SNX27: variants seen among roughly 807,000 people sequenced by gnomAD.
The protein encoded by SNX27 is sorting nexin 27, also known as sorting nexin-27.
In SNX27, 22 loss-of-function variants were observed where a neutral mutation model predicts 71.6. The ratio of observed to expected loss-of-function variants is 0.31; its 90% confidence interval spans 0.22 to 0.44. The LOEUF (loss-of-function observed/expected upper bound fraction) is 0.44. Among genes scored for constraint, SNX27 ranks in the 20% least tolerant of loss-of-function variants. The probability of loss-of-function intolerance (pLI) is 1.00; values close to 1 mark genes in which losing one functional copy is unlikely to be tolerated. For synonymous variants in SNX27, 269 were observed against 277.2 expected (o/e 0.97, Z 0.29); for missense variants, 531 against 698.6 (o/e 0.76, Z 2.70).
chr1:151,619,089 C>A (rs996539437), intron 1 of SNX27, among the ~76,000 whole-genome samples: 3 of 151,938 alleles, frequency 2.0e-5, no homozygotes, highest in Admixed American at 2.0e-4. Context: ...GCCTGTAATC[C>A]CAGCACTTTG....
intron 1 of SNX27, 141 bp from the exon 2 acceptor site, chr1:151,638,747 A>G: frequency 1.3e-6 from 1 of 760,840 alleles, no homozygotes; most frequent in Middle Eastern, 3.7e-4. Flanking sequence ...TAAAACATAA[A>G]CAACTTTTCT....
chr1:151,687,449 A>T (rs1671230846), intron 8 of SNX27, among the ~76,000 whole-genome samples: 1 of 152,134 alleles, frequency 6.6e-6, no homozygotes, highest in South Asian at 2.1e-4. Flanking sequence ...CACACTGGTG[A>T]TTCTGGAACG....
intron 7 of SNX27, among the ~76,000 whole-genome samples, chr1:151,670,940 C>G (rs1410274472): frequency 1.3e-5 from 2 of 152,128 alleles, no homozygotes; most frequent in Non-Finnish European, 2.9e-5. Flanking sequence ...ATTATTGAAT[C>G]TATTTTGATG....
chr1:151,649,636 G>A (rs1669232102), intron 2 of SNX27, among the ~76,000 whole-genome samples: 1 of 152,124 alleles, frequency 6.6e-6, no homozygotes, highest in Non-Finnish European at 1.5e-5. Context: ...CTGATGAGAA[G>A]CCTGCTTGTT....
At chr1:151,686,924 A>C (rs1343519258) in intron 8 of SNX27, among the ~76,000 whole-genome samples, 1 of 152,240 alleles carries the variant, frequency 6.6e-6, no homozygotes, top group Non-Finnish European at 1.5e-5. Flanking sequence ...GATTCTTGGA[A>C]GATAAATAAG....
intron 2 of SNX27, among the ~76,000 whole-genome samples, chr1:151,651,668 A>G (rs958394575): frequency 6.6e-6 from 1 of 151,002 alleles, no homozygotes; most frequent in Non-Finnish European, 1.5e-5. Context: ...GATGCTCCTC[A>G]CTTCCTAGAT....
rs1388451146 is a variant in SNX27, at chr1:151,692,441, A to C, written c.1246A>C (p.Asn416His). ...TTTTTTTTTTTTTTTTTAGTACCTC[A>C]ACATGCTAAGGACTTGTGAGGGCTA... ...YEQRKMVMYL[N>H]MLRTCEGYNE... Residue 416 changes from asparagine (N) to histidine (H), a missense_variant, in exon 9 of 12, where the codon AAC becomes CAC. By Grantham distance (68) the Asn-to-His change is moderately conservative. Transcript: ENST00000458013. The C allele has an allele frequency of 1.7e-5, 24 of 1,449,898 alleles. No homozygotes were observed. The highest frequency in any genetic ancestry group is 1.9e-5 in the Non-Finnish European group (21 of 1,096,274). 89.8% of individuals were successfully genotyped at this position (1,449,898 alleles called of 1,614,324 possible).
At chr1:151,627,664 A>G (rs1367097074) in intron 1 of SNX27, among the ~76,000 whole-genome samples, 1 of 151,978 alleles carries the variant, frequency 6.6e-6, no homozygotes, top group East Asian at 1.9e-4. Context: ...CTGGGCTCAA[A>G]CAGTCCACCC....
chr1:151,663,126 T>C (rs1334433202), intron 5 of SNX27, among the ~76,000 whole-genome samples: 1 of 152,004 alleles, frequency 6.6e-6, no homozygotes, highest in African/African-American at 2.4e-5. Context: ...AATCTGAATC[T>C]AAACAAGGTC....
chr1:151,625,019 C>T (rs934869252), intron 1 of SNX27, among the ~76,000 whole-genome samples: 3 of 152,134 alleles, frequency 2.0e-5, no homozygotes, highest in African/African-American at 4.8e-5. Flanking sequence ...ATAGAACACC[C>T]GGTCAAAGGT....
rs575875414 is a variant in SNX27, at chr1:151,671,669, G to A, written c.1149+3034G>A. On this transcript the variant is annotated intron_variant, in intron 7 of 11. Coordinates refer to ENST00000458013, the MANE Select transcript of SNX27 (RefSeq NM_001330723.2). Reference sequence around the variant, plus strand: ...TATTTTGATAGGGATTGCATTGAATGTGTGGATTGCTTTGGGTAGTGTGGA... The same window carrying A: ...TATTTTGATAGGGATTGCATTGAATATGTGGATTGCTTTGGGTAGTGTGGA... 2.0e-5 allele frequency among the ~76,000 whole-genome samples: 3 copies of A among 152,108 alleles called. No individual in the cohort carries two copies. In the East Asian group the frequency reaches 5.8e-4, roughly 29 times the overall value.
chr1:151,632,117 A>G (rs1436953094), intron 1 of SNX27, among the ~76,000 whole-genome samples: 1 of 151,030 alleles, frequency 6.6e-6, no homozygotes, highest in Admixed American at 6.6e-5. Context: ...AACTTGAGAG[A>G]TGCTGCTGTT....
chr1:151,660,452 C>G lies in SNX27; in HGVS notation c.737-346C>G, dbSNP rs189566689. On this transcript the variant is annotated intron_variant, in intron 3 of 11. Transcript: ENST00000458013. The stretch of plus-strand genomic sequence containing the variant: ...TTATTCCTGATTAATCTTTCCCTAC[C>G]ACTACCTCTTTACCCCATGTTCTGT... 103 of 170,858 alleles carry G rather than the reference C, an allele frequency of 6.0e-4. 1 individual carries two copies. The highest frequency in any genetic ancestry group is 2.3e-3 in the African/African-American group (99 of 42,194). 10.6% of individuals were successfully genotyped at this position (170,858 alleles called of 1,614,324 possible).
At chr1:151,637,898 T>C (rs1668541020) in intron 1 of SNX27, among the ~76,000 whole-genome samples, 1 of 152,206 alleles carries the variant, frequency 6.6e-6, no homozygotes, top group Non-Finnish European at 1.5e-5. Flanking sequence ...AAATGTTAAA[T>C]TGATTAGAGG....
chr1:151,670,822 A>G (rs1309553183), intron 7 of SNX27, among the ~76,000 whole-genome samples: 1 of 151,898 alleles, frequency 6.6e-6, no homozygotes, highest in Admixed American at 6.6e-5. Context: ...GCTTTGGTTG[A>G]CTGTGCTTGT....
intron 1 of SNX27, among the ~76,000 whole-genome samples, chr1:151,635,783 G>T (rs1401296754): frequency 1.3e-5 from 2 of 152,090 alleles, no homozygotes; most frequent in African/African-American, 4.8e-5. Context: ...GTTTTTTCCT[G>T]TCTTTTTTTA....
chr1:151,677,792 T>G (rs1275529551), intron 7 of SNX27: 1 of 152,144 alleles, frequency 6.6e-6, no homozygotes, highest in African/African-American at 2.4e-5. Context: ...ACAAAAGTAT[T>G]TAAGTATTTA....
chr1:151,618,601 G>T (rs1054121524), intron 1 of SNX27, among the ~76,000 whole-genome samples: 2 of 152,130 alleles, frequency 1.3e-5, no homozygotes, highest in Non-Finnish European at 2.9e-5. Context: ...CTGTTACCAT[G>T]CTCTCAAAGA....
intron 2 of SNX27, among the ~76,000 whole-genome samples, chr1:151,646,989 T>C (rs866371828): frequency 4.6e-5 from 7 of 152,102 alleles, no homozygotes; most frequent in Non-Finnish European, 8.8e-5. Flanking sequence ...TTGTCATACA[T>C]TGACTTCTAT....
Sources: gnomAD v4.1 joint callset for allele counts (sites outside exome capture counted in the v4.1 genomes callset) on GRCh38, gnomAD v4.1.1 for gene constraint, MANE v1.5 for transcripts, NCBI Gene and HGNC (gene_info 2026-07-23, HGNC 2026-07-21) for gene names.